Variants in ITGA4 observed in about 807,000 individuals in gnomAD.
ITGA4 encodes the protein integrin subunit alpha 4.
A neutral mutation model predicts 133.6 loss-of-function variants in ITGA4; 63 were observed. The observed-to-expected ratio is 0.47, with a 90% CI of 0.38 to 0.58. The LOEUF (loss-of-function observed/expected upper bound fraction) is 0.58. Among genes scored for constraint, ITGA4 ranks in the 20% least tolerant of loss-of-function variants. The pLI is 0.00. For missense variants in ITGA4, 1,076 were observed against 1,252.7 expected, an observed-to-expected ratio of 0.86 and a Z score of 2.13; for synonymous variants, 483 against 438.0, an observed-to-expected ratio of 1.10 and a Z score of -1.28.
intron 2 of ITGA4, among the ~76,000 whole-genome samples, chr2:181,463,893 G>A (rs889534978): frequency 6.6e-6 from 1 of 152,084 alleles, no homozygotes; most frequent in Non-Finnish European, 1.5e-5. Context: ...CCTACAGTTC[G>A]AGAAGTGATT....
At chr2:181,481,053 CAG>C (rs1365368726) in intron 6 of ITGA4, among the ~76,000 whole-genome samples, 3 of 152,172 alleles carry the variant, frequency 2.0e-5, no homozygotes, top group East Asian at 1.9e-4. Context: ...TCTATTCAAA[CAG>C]AAGAAATTTC....
chr2:181,495,838 A>G lies in ITGA4; in HGVS notation c.1441A>G (p.Arg481Gly), dbSNP rs2105745584. The change falls in exon 14 of 28, where the codon AGA becomes GGA. Residue 481 changes from arginine (R) to glycine (G), a missense_variant. By Grantham distance (125) the Arg-to-Gly change is moderately radical. Transcript: ENST00000397033. The surrounding 1 kb of genome is among the most constrained non-coding windows in gnomAD (Gnocchi z 4.3). ...ASLSHPESVNRTKFDCVENGW... is the reference protein window; with the variant it reads ...ASLSHPESVNGTKFDCVENGW... Reference sequence around the variant, plus strand: ...TTTAAGCCACCCTGAGTCAGTAAATAGAACGAAATTTGACTGTGTTGAAAA... The same window carrying G: ...TTTAAGCCACCCTGAGTCAGTAAATGGAACGAAATTTGACTGTGTTGAAAA... 6.2e-7 allele frequency: 1 copy of G among 1,613,954 alleles called. No homozygotes were observed. Among genetic ancestry groups the G allele is most frequent in the South Asian group, 1.1e-5 (1 of 91,078 alleles).
intron 20 of ITGA4, 88 bp from the exon 21 acceptor site, chr2:181,525,114 T>G: frequency 1.4e-6 from 1 of 699,642 alleles, no homozygotes; most frequent in Non-Finnish European, 2.5e-6. Context: ...AACCTCTGAG[T>G]ATATTAGGTA....
chr2:181,525,218 AT>A lies in ITGA4; in HGVS notation c.2267del (p.Met756ArgfsTer4). The A allele has an allele frequency of 6.2e-7, 1 of 1,602,796 alleles. No homozygotes were observed. Among genetic ancestry groups the A allele is most frequent in the Non-Finnish European group, 8.5e-7 (1 of 1,170,272 alleles). ...VHATCENEEEMDNLKHSRVTV... is the reference protein window; with the variant it reads ...VHATCENEEEXDNLKHSRVTV... The stretch of plus-strand genomic sequence containing the variant: ...TTTGTATAGTGAAAATGAAGAGGAA[AT>A]GGACAATCTAAAGCACAGCAGAGTG... On this transcript the variant is annotated frameshift_variant, in exon 21 of 28. Coordinates refer to ENST00000397033, the MANE Select transcript of ITGA4 (RefSeq NM_000885.6). LOFTEE classifies it high-confidence loss of function.
At chr2:181,500,636 G>A (rs1686247466) in intron 15 of ITGA4, among the ~76,000 whole-genome samples, 1 of 152,092 alleles carries the variant, frequency 6.6e-6, no homozygotes, top group Non-Finnish European at 1.5e-5. Flanking sequence ...ATGAAATGAA[G>A]TGGCACTTGT....
At chr2:181,476,513 A>C (rs927258839) in intron 4 of ITGA4, among the ~76,000 whole-genome samples, 1 of 152,212 alleles carries the variant, frequency 6.6e-6, no homozygotes, top group Non-Finnish European at 1.5e-5. Flanking sequence ...TTTTCATAGA[A>C]GTTTACTTAT....
Position 181,525,259 on chromosome 2 carries a change from T to C in ITGA4, c.2307T>C (p.Pro769=), listed in dbSNP as rs1686808728. The change falls in exon 21 of 28, where the codon CCT becomes CCC. Residue 769 remains proline, a synonymous_variant. Coordinates refer to ENST00000397033, the MANE Select transcript of ITGA4 (RefSeq NM_000885.6). ...LKHSRVTVAI[P]LKYEVKLTVH... ...ACAGCAGAGTGACTGTAGCAATACC[T>C]TTAAAATATGAGGTTAAGCTGACTG... 6.2e-7 allele frequency: 1 copy of C among 1,604,602 alleles called. No individual in the cohort carries two copies. Among genetic ancestry groups the C allele is most frequent in the Non-Finnish European group, 8.5e-7 (1 of 1,171,796 alleles).
rs775722395 is a variant in ITGA4 at position 181,525,299 on chromosome 2, G to A, written c.2339+8G>A. The A allele has an allele frequency of 1.4e-6, 2 of 1,431,932 alleles. No homozygotes were observed. Among genetic ancestry groups the A allele is most frequent in the Non-Finnish European group, 2.0e-6 (2 of 1,019,006 alleles). The allele number at this position is 1,431,932 out of a possible 1,614,324, so 88.7% of individuals were successfully genotyped here. A position where few individuals can be genotyped will look rare whatever the true frequency, so the allele number is the denominator to read the frequency against. On this transcript the variant is annotated splice_region_variant and intron_variant, in intron 21 of 27. Transcript: ENST00000397033. ...TAAGCTGACTGTTCATGGGTAAGTA[G>A]ACATAAAGGCTTCCTTTCAAATTTA...
At position 181,538,159 on chromosome 2, in the gene ITGA4, C is replaced by CATTTCTTTTAGAAACAATTACAT. The variant is rs777753662; in HGVS notation, c.*2633_*2655dup. On this transcript the variant is annotated 3_prime_UTR_variant, in exon 28 of 28. Coordinates refer to ENST00000397033, the MANE Select transcript of ITGA4 (RefSeq NM_000885.6). ...CTTTATATTAAAATTCTAGTTTGTACATTTCTTTTAGAAACAATTACATGT... is the reference window on the plus strand; with the variant it reads ...CTTTATATTAAAATTCTAGTTTGTACATTTCTTTTAGAAACAATTACATATTTCTTTTAGAAACAATTACATGT... The CATTTCTTTTAGAAACAATTACAT allele has an allele frequency of 6.9e-7, 1 of 1,454,316 alleles. No homozygotes were observed. Among genetic ancestry groups the CATTTCTTTTAGAAACAATTACAT allele is most frequent in the South Asian group, 1.1e-5 (1 of 87,432 alleles). The allele number at this position is 1,454,316 out of a possible 1,614,324, so 90.1% of individuals were successfully genotyped here.
At chr2:181,522,791 A>C (rs1285470748) in intron 18 of ITGA4, among the ~76,000 whole-genome samples, 1 of 152,166 alleles carries the variant, frequency 6.6e-6, no homozygotes, top group Non-Finnish European at 1.5e-5. Flanking sequence ...CTTCATACCA[A>C]TAGTGACCTT....
intron 10 of ITGA4, among the ~76,000 whole-genome samples, chr2:181,489,717 C>T (rs764984438): frequency 1.3e-5 from 2 of 148,148 alleles, no homozygotes; most frequent in African/African-American, 2.7e-5. Context: ...GATTACATAG[C>T]GATCAAGTCA....
rs1178949398 is a variant in ITGA4, at chr2:181,516,124, A to G, written c.1922+4349A>G. 6.6e-6 allele frequency among the ~76,000 whole-genome samples: 1 copy of G among 152,106 alleles called. No homozygotes were observed. Among genetic ancestry groups the G allele is most frequent in the African/African-American group, 2.4e-5 (1 of 41,444 alleles). On this transcript the variant is annotated intron_variant, in intron 17 of 27. Transcript: ENST00000397033. This position sits in a 1 kb window ranked among gnomAD's most constrained non-coding sequence, Gnocchi z 4.0. ...CCAACACGACTTCAAGATTACAAAT[A>G]TAATAGAAGGTATTAGCCATCACAT...
chr2:181,513,886 A>G (rs889921993), intron 17 of ITGA4, among the ~76,000 whole-genome samples: 3 of 152,070 alleles, frequency 2.0e-5, no homozygotes, highest in African/African-American at 4.8e-5. Context: ...CCTTGGTCCT[A>G]TGGCCCTGTG....
At chr2:181,481,151 C>T (rs371752059) in intron 6 of ITGA4, among the ~76,000 whole-genome samples, 26 of 152,224 alleles carry the variant, frequency 1.7e-4, no homozygotes, top group East Asian at 7.7e-4. Flanking sequence ...TAACTTGTTA[C>T]GCCTTTTATC....
Position 181,457,795 on chromosome 2 carries a change from C to G in ITGA4, c.141C>G (p.Pro47=), listed in dbSNP as rs1685162822. ...DTESALLYQG[P]HNTLFGYSVV... Reference sequence around the variant, plus strand: ...AGAGCGCGCTGCTTTACCAGGGCCCCCACAACACGCTGTTCGGCTACTCGG... The same window carrying G: ...AGAGCGCGCTGCTTTACCAGGGCCCGCACAACACGCTGTTCGGCTACTCGG... Residue 47 remains proline, a synonymous_variant, in exon 1 of 28, where the codon CCC becomes CCG. Transcript: ENST00000397033. 1.9e-6 allele frequency: 3 copies of G among 1,613,644 alleles called. No homozygotes were observed. The highest frequency in any genetic ancestry group is 2.7e-5 in the African/African-American group (2 of 74,942).
chr2:181,535,374 T>G (rs1687040633), intron 27 of ITGA4, 58 bp from the exon 28 acceptor site: 2 of 1,296,826 alleles, frequency 1.5e-6, no homozygotes, highest in Non-Finnish European at 2.1e-6. Context: ...GAAATGAGTA[T>G]AGTAGATAAG....
chr2:181,538,236 G>A lies in ITGA4; in HGVS notation c.*2709G>A. On this transcript the variant is annotated 3_prime_UTR_variant, in exon 28 of 28. Coordinates refer to ENST00000397033, the MANE Select transcript of ITGA4 (RefSeq NM_000885.6). Reference sequence around the variant, plus strand: ...TCCTCCATAAAGACTGATAAGTCTTGGATGCAATCTGTAAAGAAAATACAT... The same window carrying A: ...TCCTCCATAAAGACTGATAAGTCTTAGATGCAATCTGTAAAGAAAATACAT... 3 of 1,573,384 alleles carry A rather than the reference G, an allele frequency of 1.9e-6. No homozygotes were observed. The highest frequency in any genetic ancestry group is 2.6e-6 in the Non-Finnish European group (3 of 1,144,180).
At chr2:181,528,261 T>G (rs986487865) in intron 22 of ITGA4, among the ~76,000 whole-genome samples, 1 of 152,224 alleles carries the variant, frequency 6.6e-6, no homozygotes, top group Non-Finnish European at 1.5e-5. Context: ...TACTCCAATT[T>G]TTGTTACACT....
chr2:181,485,875 A>T lies in ITGA4; in HGVS notation c.1042-6A>T. 6.3e-7 allele frequency: 1 copy of T among 1,596,272 alleles called. No homozygotes were observed. Among genetic ancestry groups the T allele is most frequent in the Non-Finnish European group, 8.5e-7 (1 of 1,172,308 alleles). ...AATGACACGTTTTCTCTCCCTTTCT[A>T]TCTAGGGAGCAGTAATGAATGCAAT... On this transcript the variant is annotated splice_region_variant and splice_polypyrimidine_tract_variant and intron_variant, in intron 9 of 27. Transcript: ENST00000397033.
Sources: gnomAD v4.1 joint callset for allele counts (sites outside exome capture counted in the v4.1 genomes callset) on GRCh38, gnomAD v4.1.1 for gene constraint, Gnocchi (gnomAD v3.1) non-coding constraint, MANE v1.5 for transcripts, NCBI Gene and HGNC (gene_info 2026-07-23, HGNC 2026-07-21) for gene names.